EDIL3: variants seen among roughly 807,000 people sequenced by gnomAD.
EDIL3 encodes the protein EGF like and discoidin domains 3, also known as EGF-like repeat and discoidin I-like domain-containing protein 3.
In EDIL3, 37 loss-of-function variants were observed where a neutral mutation model predicts 67.4. The observed-to-expected ratio is 0.55, with a 90% CI of 0.42 to 0.72. The LOEUF is 0.72. Ranked by LOEUF, EDIL3 falls within the 30% of genes least tolerant of loss-of-function variation. The pLI, the probability that EDIL3 is intolerant of heterozygous loss-of-function variation, is 0.00. For missense variants in EDIL3, 527 were observed against 586.3 expected, an observed-to-expected ratio of 0.90 and a Z score of 1.04; for synonymous variants, 195 against 196.3, an observed-to-expected ratio of 0.99 and a Z score of 0.05.
intron 1 of EDIL3, among the ~76,000 whole-genome samples, chr5:84,304,425 T>C (rs1415457838): frequency 6.6e-6 from 1 of 152,204 alleles, no homozygotes; most frequent in Admixed American, 6.5e-5. Context: ...GTCATTTAGC[T>C]GACATGCACG....
In EDIL3 at chr5:84,023,348, G is replaced by T. The variant is rs1183381855; in HGVS notation, c.1137+36952C>A. On this transcript the variant is annotated intron_variant, in intron 9 of 10. Transcript: ENST00000296591. The stretch of plus-strand genomic sequence containing the variant: ...CTACTTAATTGTAAGAATTACTTAT[G>T]ATGTATACATCATAAACAATGTACA... Among the ~76,000 whole-genome samples, 5 of 152,060 alleles carry T rather than the reference G, an allele frequency of 3.3e-5. No homozygotes were observed. In the South Asian group the frequency reaches 1.0e-3, roughly 32 times the overall value.
chr5:84,056,440 T>C (rs957012611), intron 9 of EDIL3, among the ~76,000 whole-genome samples: 2 of 152,066 alleles, frequency 1.3e-5, no homozygotes, highest in Non-Finnish European at 2.9e-5. Context: ...CTTCACATTG[T>C]GCACATGTAT....
chr5:84,249,954 G>T (rs1344039037), intron 2 of EDIL3, among the ~76,000 whole-genome samples: 23 of 152,196 alleles, frequency 1.5e-4, no homozygotes, highest in East Asian at 9.7e-4. Flanking sequence ...TATATATAGA[G>T]AGAGAGATAA....
At chr5:84,375,044 T>C (rs1329664839) in intron 1 of EDIL3, among the ~76,000 whole-genome samples, 1 of 151,724 alleles carries the variant, frequency 6.6e-6, no homozygotes, top group Non-Finnish European at 1.5e-5. Flanking sequence ...TGATCTCGGC[T>C]CACTGCAACT....
intron 1 of EDIL3, among the ~76,000 whole-genome samples, chr5:84,258,407 G>A (rs1165390185): frequency 6.6e-6 from 1 of 152,182 alleles, no homozygotes; most frequent in East Asian, 1.9e-4. Flanking sequence ...ATTTGAGAAA[G>A]TCTTAGTCAA....
chr5:84,244,232 G>C (rs940313310), intron 2 of EDIL3, among the ~76,000 whole-genome samples: 1 of 152,116 alleles, frequency 6.6e-6, no homozygotes, highest in Non-Finnish European at 1.5e-5. Flanking sequence ...GCAGGAGTCT[G>C]TAAAATTTTC....
chr5:84,374,252 T>C (rs910168575), intron 1 of EDIL3, among the ~76,000 whole-genome samples: 4 of 149,710 alleles, frequency 2.7e-5, no homozygotes, highest in Admixed American at 2.7e-4. Flanking sequence ...TCAAGTAAAG[T>C]AGTACAGAAG....
chr5:83,966,396 T>C (rs1398347366), intron 9 of EDIL3, among the ~76,000 whole-genome samples: 1 of 152,116 alleles, frequency 6.6e-6, no homozygotes, highest in East Asian at 1.9e-4. Flanking sequence ...TGTCACTATG[T>C]ATCAGAGCAG....
chr5:84,291,496 G>A (rs1481189536), intron 1 of EDIL3, among the ~76,000 whole-genome samples: 1 of 151,674 alleles, frequency 6.6e-6, no homozygotes, highest in Non-Finnish European at 1.5e-5. Context: ...CGGTGTGTGT[G>A]CCAAAACATT....
intron 1 of EDIL3, among the ~76,000 whole-genome samples, chr5:84,285,644 C>G (rs1438676408): frequency 6.6e-6 from 1 of 152,188 alleles, no homozygotes; most frequent in African/African-American, 2.4e-5. Context: ...AAAAGATTAT[C>G]TTATGTCAGA....
At chr5:84,047,711 CA>C (rs1484074454) in intron 9 of EDIL3, 1 of 151,848 alleles carries the variant, frequency 6.6e-6, no homozygotes, top group African/African-American at 2.4e-5. Flanking sequence ...CTCCATTTTA[CA>C]TAAAAAAAGA....
rs144563883 is a variant in EDIL3, at chr5:84,124,379, G to C, written c.469+12862C>G. ...GAAATAAAATTGAATAATTAATTTT[G>C]TGGTTCCCAAGTATTCCTGTTCAGA... is the stretch of plus-strand genomic sequence containing the variant. On this transcript the variant is annotated intron_variant, in intron 5 of 10. Coordinates refer to ENST00000296591, the MANE Select transcript of EDIL3 (RefSeq NM_005711.5). Among the ~76,000 whole-genome samples, 662 of 151,964 alleles carry C rather than the reference G, an allele frequency of 4.4e-3. 6 individuals are homozygous for C. The highest frequency in any genetic ancestry group is 0.015 in the African/African-American group (607 of 41,492).
intron 1 of EDIL3, among the ~76,000 whole-genome samples, chr5:84,291,108 T>C (rs1745904402): frequency 6.6e-6 from 1 of 151,962 alleles, no homozygotes; most frequent in South Asian, 2.1e-4. Context: ...CAACAGTGAG[T>C]TTAGTTGACA....
intron 9 of EDIL3, among the ~76,000 whole-genome samples, chr5:83,988,023 G>A (rs190821489): frequency 2.7e-4 from 41 of 152,010 alleles, no homozygotes; most frequent in African/African-American, 8.9e-4. Context: ...ATATGGAATC[G>A]TTTTCTGACT....
At chr5:84,336,037 A>C (rs1746978260) in intron 1 of EDIL3, among the ~76,000 whole-genome samples, 1 of 152,186 alleles carries the variant, frequency 6.6e-6, no homozygotes, top group Admixed American at 6.5e-5. Context: ...ATCATGACTA[A>C]GTCACTTCCT....
chr5:84,254,288 A>G (rs1471162724), intron 1 of EDIL3, 76 bp from the exon 2 acceptor site: 9 of 1,482,874 alleles, frequency 6.1e-6, no homozygotes, highest in Non-Finnish European at 8.1e-6. Flanking sequence ...TTACTTTGCT[A>G]TGGATGTTCC....
chr5:84,310,637 T>A (rs771757183), intron 1 of EDIL3, among the ~76,000 whole-genome samples: 1 of 152,216 alleles, frequency 6.6e-6, no homozygotes, highest in Non-Finnish European at 1.5e-5. Flanking sequence ...TTTATCCTTA[T>A]ACAAATATTT....
At position 84,234,227 on chromosome 5, in the gene EDIL3, C is replaced by G. The variant is rs147004469; in HGVS notation, c.197-4343G>C. Among the ~76,000 whole-genome samples the G allele has an allele frequency of 5.9e-5, 9 of 152,302 alleles. No homozygotes were observed. The East Asian group carries it at 1.7e-3, about 29-fold the overall frequency. On this transcript the variant is annotated intron_variant, in intron 2 of 10. Coordinates refer to ENST00000296591, the MANE Select transcript of EDIL3 (RefSeq NM_005711.5). ...TTTATTTTTCCAGGGAGCTTACCAC[C>G]ATGCTTTGATACAATAAACCTATTC...
intron 8 of EDIL3, among the ~76,000 whole-genome samples, chr5:84,064,358 TTAC>T (rs1746596185): frequency 6.6e-6 from 1 of 152,174 alleles, no homozygotes; most frequent in African/African-American, 2.4e-5. Context: ...ATTCCAGTTT[TTAC>T]TAAACTTTTT....
Sources: allele counts gnomAD v4.1 joint callset (sites outside exome capture counted in the v4.1 genomes callset), GRCh38; gene constraint gnomAD v4.1.1; transcripts MANE v1.5; gene names NCBI Gene and HGNC (gene_info 2026-07-23, HGNC 2026-07-21).